The following GTF2E1 variants were observed in gnomAD, a reference collection of about 807,000 sequenced individuals.
GTF2E1 encodes the protein TFIIE alpha subunit.
A neutral mutation model predicts 34.9 loss-of-function variants in GTF2E1; 14 were observed. The ratio of observed to expected loss-of-function variants is 0.40; its 90% CI spans 0.27 to 0.63. The LOEUF is 0.63. Among genes scored for constraint, GTF2E1 ranks in the 20% least tolerant of loss-of-function variants. The pLI is 0.39. For synonymous variants in GTF2E1, 188 were observed against 192.9 expected, an observed-to-expected ratio of 0.97 and a Z score of 0.21; for missense variants, 469 against 557.7, an observed-to-expected ratio of 0.84 and a Z score of 1.60.
intron 2 of GTF2E1, 167 bp downstream of exon 2, chr3:120,751,167 C>A (rs1709162256): frequency 3.6e-6 from 2 of 556,576 alleles, no homozygotes; most frequent in Middle Eastern, 9.6e-4. Flanking sequence ...GGCTGTCGCA[C>A]TACTTTGAGA....
intron 3 of GTF2E1, among the ~76,000 whole-genome samples, chr3:120,773,901 T>C (rs1180350884): frequency 6.6e-6 from 1 of 152,190 alleles, no homozygotes; most frequent in Non-Finnish European, 1.5e-5. Flanking sequence ...CAAAAGACTT[T>C]TTAAAAGTAC....
intron 4 of GTF2E1, among the ~76,000 whole-genome samples, chr3:120,777,442 A>G (rs1709411056): frequency 6.6e-6 from 1 of 152,168 alleles, no homozygotes; most frequent in African/African-American, 2.4e-5. Flanking sequence ...CCAAGTTAAT[A>G]TATCATTACT....
In GTF2E1 at chr3:120,770,792, A is replaced by G; in HGVS notation, c.513A>G (p.Lys171=). ...AGGATGAATCAGCAATGCCCAAAAA[A>G]GATGCACGCACACTTTTGGCAAGGT... ...VEEDESAMPK[K]DARTLLARFN... The change falls in exon 3 of 5, where the codon AAA becomes AAG. Residue 171 remains lysine (K), a synonymous_variant. Transcript: ENST00000283875. 1 of 1,613,648 alleles carries G rather than the reference A, an allele frequency of 6.2e-7. No individual in the cohort carries two copies. The highest frequency in any genetic ancestry group is 8.5e-7 in the Non-Finnish European group (1 of 1,179,600).
chr3:120,755,278 A>C (rs1370923876), intron 2 of GTF2E1, among the ~76,000 whole-genome samples: 1 of 152,194 alleles, frequency 6.6e-6, no homozygotes, highest in African/African-American at 2.4e-5. Context: ...GTGACTACAG[A>C]TAAAACTTTT....
At chr3:120,747,146 C>T (rs994019480) in intron 1 of GTF2E1, among the ~76,000 whole-genome samples, 3 of 151,790 alleles carry the variant, frequency 2.0e-5, no homozygotes, top group Non-Finnish European at 4.4e-5. Flanking sequence ...TCTTGTTGCC[C>T]AGGCTGGAGT....
intron 2 of GTF2E1, among the ~76,000 whole-genome samples, chr3:120,751,396 A>C (rs181741188): frequency 1.3e-5 from 2 of 152,204 alleles, no homozygotes; most frequent in African/African-American, 4.8e-5. Flanking sequence ...TCAGGAGTAT[A>C]TAACTAGGGC....
chr3:120,750,807 A>T lies in GTF2E1; in HGVS notation c.255A>T (p.Lys85Asn). 6.2e-7 allele frequency: 1 copy of T among 1,614,034 alleles called. No individual in the cohort carries two copies. Among genetic ancestry groups the T allele is most frequent in the Admixed American group, 1.7e-5 (1 of 59,970 alleles). ...GGGTAGAGACTGCTGCAGACGGGAA[A>T]ACCACTCGCCATAACTACTACTTCA... ...RMRVETAADG[K>N]TTRHNYYFIN... The change falls in exon 2 of 5, where the codon AAA becomes AAT. Residue 85 changes from lysine (K) to asparagine (N), a missense_variant. Physicochemically the swap from Lys to Asn is moderately conservative, Grantham distance 94. Transcript: ENST00000283875.
rs1199562925 is a variant in GTF2E1 at position 120,781,420 on chromosome 3, G to A, written c.1270G>A (p.Glu424Lys). ...GGCCCAGATGACACCAGAAGAAAAG[G>A]AAGCATATATAGCAATGGGACAACG... ...LVAQMTPEEK[E>K]AYIAMGQRMF... Residue 424 changes from glutamate to lysine, a missense_variant, in exon 5 of 5, where the codon GAA (glutamate) becomes AAA (lysine). By Grantham distance (56) the Glu-to-Lys change is moderately conservative. Transcript: ENST00000283875. The A allele has an allele frequency of 1.2e-6, 2 of 1,614,042 alleles. No homozygotes were observed. Among genetic ancestry groups the A allele is most frequent in the African/African-American group, 2.7e-5 (2 of 74,928 alleles).
At chr3:120,767,274 A>G (rs1286385871) in intron 2 of GTF2E1, among the ~76,000 whole-genome samples, 3 of 152,160 alleles carry the variant, frequency 2.0e-5, no homozygotes, top group Non-Finnish European at 4.4e-5. Context: ...AAGGATGTTT[A>G]TATAACGAGC....
At chr3:120,774,097 T>C (rs977580989) in intron 3 of GTF2E1, among the ~76,000 whole-genome samples, 12 of 152,164 alleles carry the variant, frequency 7.9e-5, no homozygotes, top group Non-Finnish European at 1.8e-4. Flanking sequence ...GTGAGTCATT[T>C]AAGTCTGAAT....
chr3:120,756,720 G>C (rs1456853581), intron 2 of GTF2E1, among the ~76,000 whole-genome samples: 1 of 152,086 alleles, frequency 6.6e-6, no homozygotes, highest in African/African-American at 2.4e-5. Context: ...GAGGTCAGTA[G>C]TTCAAGACCA....
intron 1 of GTF2E1, among the ~76,000 whole-genome samples, chr3:120,748,737 CTTT>C (rs998762267): frequency 3.9e-5 from 6 of 152,132 alleles, no homozygotes; most frequent in Non-Finnish European, 7.4e-5. Context: ...AGTGTGGGCT[CTTT>C]TTTGGTTCCA....
chr3:120,766,958 G>A (rs761892793), intron 2 of GTF2E1, among the ~76,000 whole-genome samples: 1 of 152,000 alleles, frequency 6.6e-6, no homozygotes, highest in Non-Finnish European at 1.5e-5. Flanking sequence ...AATGCTGCTG[G>A]TATATTAAAC....
intron 1 of GTF2E1, among the ~76,000 whole-genome samples, chr3:120,743,831 CAG>C (rs1709079945): frequency 1.3e-5 from 2 of 152,300 alleles, no homozygotes; most frequent in South Asian, 2.1e-4. Flanking sequence ...ACAGGGTAGA[CAG>C]AGGGCAGAGG....
Position 120,757,652 on chromosome 3 carries a change from A to C in GTF2E1, c.448+6652A>C, listed in dbSNP as rs1709220157. On this transcript the variant is annotated intron_variant, in intron 2 of 4. Transcript: ENST00000283875. ...TTGCTTTATGAAAATAAAGTTTAGGAATGAGACTAAAAGGTGACTTTTTGA... is the reference window on the plus strand; with the variant it reads ...TTGCTTTATGAAAATAAAGTTTAGGCATGAGACTAAAAGGTGACTTTTTGA... 2.0e-5 allele frequency among the ~76,000 whole-genome samples: 3 copies of C among 152,170 alleles called. No homozygotes were observed. The South Asian group carries it at 6.2e-4, about 32-fold the overall frequency.
At chr3:120,770,342 C>G (rs920328458) in intron 2 of GTF2E1, among the ~76,000 whole-genome samples, 2 of 152,048 alleles carry the variant, frequency 1.3e-5, no homozygotes, top group African/African-American at 4.8e-5. Context: ...TTGGCTTTCC[C>G]CATAACGTAG....
intron 1 of GTF2E1, among the ~76,000 whole-genome samples, chr3:120,744,018 G>C (rs1012436898): frequency 3.9e-5 from 6 of 152,120 alleles, no homozygotes; most frequent in Admixed American, 1.3e-4. Flanking sequence ...GAGGTCCCAC[G>C]CTCAGAAGTC....
chr3:120,749,652 G>C (rs540925569), intron 1 of GTF2E1: 1 of 152,058 alleles, frequency 6.6e-6, no homozygotes, highest in Non-Finnish European at 1.5e-5. Flanking sequence ...TGCTGGATTC[G>C]GTTTGCCAGT....
intron 2 of GTF2E1, among the ~76,000 whole-genome samples, chr3:120,768,321 G>C (rs1709325581): frequency 6.6e-6 from 1 of 152,148 alleles, no homozygotes; most frequent in African/African-American, 2.4e-5. Context: ...GAAGGCATCT[G>C]GGTAGAGGGC....
Sources: gnomAD v4.1 joint callset for allele counts (sites outside exome capture counted in the v4.1 genomes callset) on GRCh38, gnomAD v4.1.1 for gene constraint, MANE v1.5 for transcripts, NCBI Gene and HGNC (gene_info 2026-07-23, HGNC 2026-07-21) for gene names.